Variants in VDAC2 observed in about 807,000 individuals in gnomAD.
VDAC2 encodes non-selective voltage-gated ion channel VDAC2.
VDAC2 carries 6 observed loss-of-function variants against 36.6 expected under a neutral mutation model. The observed-to-expected ratio is 0.16, with a 90% CI of 0.09 to 0.32. VDAC2 has a LOEUF of 0.32. Among genes scored for constraint, VDAC2 ranks in the 10% least tolerant of loss-of-function variants. The probability of loss-of-function intolerance (pLI) is 1.00; values close to 1 mark genes in which losing one functional copy is unlikely to be tolerated. For synonymous variants in VDAC2, 109 were observed against 123.8 expected (o/e 0.88, Z 0.79); for missense variants, 247 against 346.0 (o/e 0.71, Z 2.27).
chr10:75,228,458 G>A (rs932000662), intron 8 of VDAC2, among the ~76,000 whole-genome samples: 9 of 151,058 alleles, frequency 6.0e-5, no homozygotes, highest in Non-Finnish European at 8.8e-5. Context: ...GGGTCTCACC[G>A]TGTTGCCCAG....
chr10:75,211,055 G>C (rs1474666063), intron 1 of VDAC2, 79 bp from the exon 2 acceptor site: 11 of 1,342,840 alleles, frequency 8.2e-6, no homozygotes, highest in Non-Finnish European at 8.0e-6. Flanking sequence ...GCTGCCCCGC[G>C]GCCCCTCGCC....
At chr10:75,228,918 T>C (rs970504463) in intron 8 of VDAC2, among the ~76,000 whole-genome samples, 4 of 152,222 alleles carry the variant, frequency 2.6e-5, no homozygotes, top group African/African-American at 9.6e-5. Context: ...CTCTTTACTA[T>C]GTCTTACTCT....
intron 8 of VDAC2, among the ~76,000 whole-genome samples, chr10:75,227,824 A>G (rs1842002163): frequency 6.7e-6 from 1 of 149,422 alleles, no homozygotes; most frequent in Admixed American, 6.7e-5. Flanking sequence ...TGACCTTGTG[A>G]TCCTCCCAAA....
At chr10:75,225,392 A>C (rs1406417246) in intron 8 of VDAC2, among the ~76,000 whole-genome samples, 1 of 152,244 alleles carries the variant, frequency 6.6e-6, no homozygotes, top group Non-Finnish European at 1.5e-5. Flanking sequence ...TTTGAGCTCC[A>C]TTTGGCCCTT....
chr10:75,220,631 G>A, intron 6 of VDAC2, 112 bp from the exon 7 acceptor site: 1 of 864,938 alleles, frequency 1.2e-6, no homozygotes, highest in Non-Finnish European at 1.8e-6. Context: ...TTATTGTATT[G>A]CTGATTTTTA....
chr10:75,224,714 G>T (rs776157753), intron 8 of VDAC2, among the ~76,000 whole-genome samples: 1 of 152,188 alleles, frequency 6.6e-6, no homozygotes, highest in Non-Finnish European at 1.5e-5. Flanking sequence ...GCTAGACCAA[G>T]CTCAGGTTTC....
chr10:75,223,088 C>A (rs1380234911), intron 8 of VDAC2, among the ~76,000 whole-genome samples: 1 of 151,418 alleles, frequency 6.6e-6, no homozygotes, highest in African/African-American at 2.4e-5. Flanking sequence ...TCAAGCAGCT[C>A]TTCTGCCTCA....
In VDAC2 at chr10:75,227,577, A is replaced by ATT. The variant is rs35378957; in HGVS notation, c.736-2047_736-2046dup. ...TAACTCTTACTGTTAAATAATAGGA[A>ATT]TTTTTTTTTTTTTTTTTTTTTGGAG... On this transcript the variant is annotated intron_variant, in intron 8 of 9. Coordinates refer to ENST00000332211, the MANE Select transcript of VDAC2 (RefSeq NM_001391963.1). Among the ~76,000 whole-genome samples the ATT allele has an allele frequency of 5.0e-4, 50 of 99,934 alleles. 1 individual carries two copies. Among genetic ancestry groups the ATT allele is most frequent in the African/African-American group, 1.2e-3 (26 of 22,240 alleles). 65.6% of individuals were successfully genotyped at this position (99,934 alleles called of 152,430 possible).
chr10:75,212,196 A>G (rs760867325), intron 2 of VDAC2, 34 bp from the exon 3 acceptor site: 1 of 1,588,172 alleles, frequency 6.3e-7, no homozygotes, highest in African/African-American at 1.3e-5. Flanking sequence ...GGGAGAATAG[A>G]GACATTAACA....
intron 9 of VDAC2, 79 bp downstream of exon 9, chr10:75,229,780 C>T: frequency 1.7e-6 from 2 of 1,144,508 alleles, no homozygotes; most frequent in South Asian, 1.5e-5. Flanking sequence ...ACTTTTCAGA[C>T]CTTTCAAGCA....
chr10:75,219,448 T>A, intron 6 of VDAC2, 92 bp downstream of exon 6: 11 of 1,041,622 alleles, frequency 1.1e-5, no homozygotes, highest in Non-Finnish European at 1.6e-5. Flanking sequence ...TGATAGCTTA[T>A]TAAGCTACCT....
intron 4 of VDAC2, among the ~76,000 whole-genome samples, chr10:75,217,492 CT>C (rs944765834): frequency 7.2e-5 from 11 of 152,288 alleles, no homozygotes; most frequent in Admixed American, 3.9e-4. Flanking sequence ...ATTTTCCTGC[CT>C]CAGACTCCTG....
chr10:75,223,370 CTG>C (rs1841873251), intron 8 of VDAC2, among the ~76,000 whole-genome samples: 1 of 152,172 alleles, frequency 6.6e-6, no homozygotes, highest in Non-Finnish European at 1.5e-5. Context: ...TCTTGGATGT[CTG>C]TGGCATTTTA....
chr10:75,217,492 C>G (rs543560659), intron 4 of VDAC2, among the ~76,000 whole-genome samples: 66 of 152,288 alleles, frequency 4.3e-4, no homozygotes, highest in Admixed American at 1.1e-3. Context: ...ATTTTCCTGC[C>G]TCAGACTCCT....
At chr10:75,214,145 A>G in intron 4 of VDAC2, 75 bp downstream of exon 4, 1 of 1,466,284 alleles carries the variant, frequency 6.8e-7, no homozygotes, top group Non-Finnish European at 9.5e-7. Flanking sequence ...TAACTGAAAG[A>G]TGTCTACCTG....
chr10:75,229,827 G>GTT, intron 9 of VDAC2, 126 bp downstream of exon 9: 1 of 596,350 alleles, frequency 1.7e-6, no homozygotes, highest in Non-Finnish European at 2.7e-6. Context: ...ATAAATACGT[G>GTT]TTTACCTTTT....
intron 2 of VDAC2, 133 bp from the exon 3 acceptor site, chr10:75,212,097 C>G: frequency 2.6e-6 from 2 of 761,312 alleles, no homozygotes; most frequent in South Asian, 1.6e-5. Flanking sequence ...TATTGTAGCT[C>G]CTGACCGCAT....
intron 9 of VDAC2, 40 bp downstream of exon 9, chr10:75,229,741 T>TA: frequency 6.6e-7 from 1 of 1,506,764 alleles, no homozygotes; most frequent in Middle Eastern, 1.9e-4. Context: ...TTGATAGTAT[T>TA]AAAAAATTTA....
chr10:75,212,455 C>T (rs944957676), intron 3 of VDAC2, among the ~76,000 whole-genome samples, 157 bp downstream of exon 3: 4 of 152,166 alleles, frequency 2.6e-5, no homozygotes, highest in African/African-American at 9.7e-5. Flanking sequence ...CTCTGTTGCC[C>T]AGGCTGGATG....
Sources: gnomAD v4.1 joint callset for allele counts (sites outside exome capture counted in the v4.1 genomes callset) on GRCh38, gnomAD v4.1.1 for gene constraint, MANE v1.5 for transcripts, NCBI Gene and HGNC (gene_info 2026-07-23, HGNC 2026-07-21) for gene names.